The following TAFA1 variants were observed in gnomAD, a reference collection of about 807,000 sequenced individuals.
The protein encoded by TAFA1 is TAFA chemokine like family member 1, also known as chemokine-like protein TAFA-1.
In TAFA1, 4 loss-of-function variants were observed where a neutral mutation model predicts 18.5. The ratio of observed to expected loss-of-function variants is 0.22; its 90% CI spans 0.11 to 0.49. The LOEUF is 0.49. Among genes scored for constraint, TAFA1 ranks in the 20% least tolerant of loss-of-function variants. TAFA1 has a pLI of 0.98. For synonymous variants in TAFA1, 56 were observed against 55.2 expected (o/e 1.01, Z -0.06); for missense variants, 147 against 169.0 (o/e 0.87, Z 0.72).
intron 2 of TAFA1, among the ~76,000 whole-genome samples, chr3:68,076,085 T>C (rs1430145697): frequency 6.6e-6 from 1 of 152,174 alleles, no homozygotes; most frequent in African/African-American, 2.4e-5. Flanking sequence ...ATCACAGAAA[T>C]GTGGTTTTTG....
chr3:68,187,068 G>A (rs964953763), intron 2 of TAFA1, among the ~76,000 whole-genome samples: 1 of 151,888 alleles, frequency 6.6e-6, no homozygotes, highest in Non-Finnish European at 1.5e-5. Flanking sequence ...AGGAAATTAG[G>A]AGTACCTTGT....
At chr3:68,202,148 A>G (rs2066476414) in intron 2 of TAFA1, among the ~76,000 whole-genome samples, 13 of 151,718 alleles carry the variant, frequency 8.6e-5, no homozygotes, top group Admixed American at 8.5e-4. Flanking sequence ...TGAAGACAAA[A>G]CAAACCATAT....
intron 3 of TAFA1, among the ~76,000 whole-genome samples, chr3:68,447,756 TTAG>T (rs1197876968): frequency 6.6e-6 from 1 of 152,208 alleles, no homozygotes. Flanking sequence ...TGATCACTTG[TTAG>T]TAGCTGCTGC....
At chr3:68,012,257 A>C (rs898667580) in intron 2 of TAFA1, among the ~76,000 whole-genome samples, 3 of 152,218 alleles carry the variant, frequency 2.0e-5, no homozygotes, top group Non-Finnish European at 4.4e-5. Flanking sequence ...TACTAAGAAA[A>C]TTATTAGACA....
intron 3 of TAFA1, among the ~76,000 whole-genome samples, chr3:68,474,321 GT>G (rs992530541): frequency 6.6e-6 from 1 of 152,120 alleles, no homozygotes; most frequent in Admixed American, 6.6e-5. Context: ...AGAAACAGGG[GT>G]TGAAATAGGA....
intron 2 of TAFA1, among the ~76,000 whole-genome samples, chr3:68,024,560 T>C (rs1288560265): frequency 6.6e-6 from 1 of 152,120 alleles, no homozygotes; most frequent in Non-Finnish European, 1.5e-5. Context: ...GAGTACATTG[T>C]GAGGCCAAAA....
chr3:68,425,277 G>A (rs2071031194), intron 3 of TAFA1, among the ~76,000 whole-genome samples: 1 of 151,942 alleles, frequency 6.6e-6, no homozygotes, highest in East Asian at 1.9e-4. Flanking sequence ...TTGCTGTGGT[G>A]GATCAGGGAT....
chr3:68,320,308 C>A (rs1180941561), intron 2 of TAFA1, among the ~76,000 whole-genome samples: 1 of 152,156 alleles, frequency 6.6e-6, no homozygotes, highest in African/African-American at 2.4e-5. Flanking sequence ...GGGGTGTGTT[C>A]TGAGTCTTCA....
In TAFA1 at chr3:68,439,412, C is replaced by CATACATATATAT. The variant is rs1264523262; in HGVS notation, c.259+21995_259+21996insCATATATATATA. On this transcript the variant is annotated intron_variant, in intron 3 of 4. Coordinates refer to ENST00000478136, the MANE Select transcript of TAFA1 (RefSeq NM_213609.4). ...AGAAGTAATAGAATATATATACATA[C>CATACATATATAT]ATATATATATATATATATATATATA... is the stretch of plus-strand genomic sequence containing the variant. Among the ~76,000 whole-genome samples the CATACATATATAT allele has an allele frequency of 4.3e-3, 312 of 73,382 alleles. 10 individuals are homozygous for CATACATATATAT. The highest frequency in any genetic ancestry group is 0.017 in the African/African-American group (240 of 14,016). 48.1% of individuals were successfully genotyped at this position (73,382 alleles called of 152,430 possible). A position where few individuals can be genotyped will look rare whatever the true frequency, so the allele number is the denominator to read the frequency against.
chr3:68,419,376 T>C (rs982599305), intron 3 of TAFA1, among the ~76,000 whole-genome samples: 1 of 152,152 alleles, frequency 6.6e-6, no homozygotes, highest in Non-Finnish European at 1.5e-5. Context: ...GGTTGAATAG[T>C]GTTCCATTCA....
At chr3:68,377,906 C>CT (rs1473405010) in intron 2 of TAFA1, among the ~76,000 whole-genome samples, 2 of 152,212 alleles carry the variant, frequency 1.3e-5, no homozygotes, top group Non-Finnish European at 2.9e-5. Context: ...CAAGCCCCAA[C>CT]TTTTGGCAGC....
chr3:68,360,539 A>G (rs940651989), intron 2 of TAFA1, among the ~76,000 whole-genome samples: 15 of 151,944 alleles, frequency 9.9e-5, no homozygotes, highest in Admixed American at 8.5e-4. Flanking sequence ...CTCGGTGGTT[A>G]TGTCATTTAG....
chr3:68,472,190 A>G (rs2106950240), intron 3 of TAFA1, among the ~76,000 whole-genome samples: 1 of 152,298 alleles, frequency 6.6e-6, no homozygotes, highest in East Asian at 1.9e-4. Flanking sequence ...TAATTGAATC[A>G]TGGGGGTGGT....
chr3:68,321,908 T>G (rs2068701925), intron 2 of TAFA1, among the ~76,000 whole-genome samples: 2 of 152,212 alleles, frequency 1.3e-5, no homozygotes, highest in Non-Finnish European at 2.9e-5. Context: ...TCTCTTCCAT[T>G]AATATCATTC....
At chr3:68,216,000 G>T (rs2066652390) in intron 2 of TAFA1, among the ~76,000 whole-genome samples, 1 of 152,040 alleles carries the variant, frequency 6.6e-6, no homozygotes, top group South Asian at 2.1e-4. Context: ...GAGCTATCAA[G>T]CCATAGAGAG....
chr3:68,394,663 A>G (rs2070338076), intron 2 of TAFA1, among the ~76,000 whole-genome samples: 1 of 152,178 alleles, frequency 6.6e-6, no homozygotes, highest in South Asian at 2.1e-4. Context: ...ATCTACAAGT[A>G]CCTGATCTTC....
chr3:68,322,291 C>A (rs2106708398), intron 2 of TAFA1, among the ~76,000 whole-genome samples: 1 of 152,322 alleles, frequency 6.6e-6, no homozygotes, highest in Admixed American at 6.5e-5. Context: ...ATTTAAAGCT[C>A]AATCCTTAAG....
intron 2 of TAFA1, among the ~76,000 whole-genome samples, chr3:68,194,725 T>A (rs2066390453): frequency 6.6e-6 from 1 of 151,688 alleles, no homozygotes; most frequent in South Asian, 2.1e-4. Context: ...AACTAATACA[T>A]TAGCTTTGCA....
chr3:68,359,575 A>G (rs1210946076), intron 2 of TAFA1, among the ~76,000 whole-genome samples: 1 of 151,986 alleles, frequency 6.6e-6, no homozygotes, highest in Admixed American at 6.6e-5. Flanking sequence ...GCAGTCTCTA[A>G]AAGCCAGAAA....
Sources: gnomAD v4.1 joint callset for allele counts (sites outside exome capture counted in the v4.1 genomes callset) on GRCh38, gnomAD v4.1.1 for gene constraint, MANE v1.5 for transcripts, NCBI Gene and HGNC (gene_info 2026-07-23, HGNC 2026-07-21) for gene names.